The following WWOX variants were observed in gnomAD, a reference collection of about 807,000 sequenced individuals.
WWOX encodes the protein WW domain-containing oxidoreductase.
In WWOX, 69 loss-of-function variants were observed where a neutral mutation model predicts 46.2. That is an observed-to-expected ratio of 1.49 (90% CI 1.23 to 1.82). The LOEUF (loss-of-function observed/expected upper bound fraction) is 1.82, where lower values mean the gene tolerates loss of function less well. Ranked by LOEUF, WWOX falls within the 40% of genes most tolerant of loss-of-function variation. The pLI, the probability that WWOX is intolerant of heterozygous loss-of-function variation, is 0.00. For synonymous variants in WWOX, 359 were observed against 202.6 expected (o/e 1.77, Z -6.56); for missense variants, 919 against 542.6 (o/e 1.69, Z -6.89).
At chr16:78,587,218 T>G (rs920936261) in intron 8 of WWOX, among the ~76,000 whole-genome samples, 18 of 131,944 alleles carry the variant, frequency 1.4e-4, no homozygotes, top group Admixed American at 6.9e-4. Flanking sequence ...TTTTTTTTTG[T>G]AGAAACAGAG....
intron 8 of WWOX, among the ~76,000 whole-genome samples, chr16:78,684,189 C>G (rs2047801696): frequency 6.6e-6 from 1 of 152,200 alleles, no homozygotes; most frequent in Non-Finnish European, 1.5e-5. Context: ...CAGAAATCCA[C>G]TGGCATGAGT....
At chr16:78,556,761 C>G (rs75026856) in intron 8 of WWOX, among the ~76,000 whole-genome samples, 8,795 of 151,932 alleles carry the variant, frequency 0.058, 464 homozygotes, top group African/African-American at 0.13. Flanking sequence ...TTTTGCCCAG[C>G]CTGGAGTGAA....
At chr16:78,574,473 A>T (rs1471105934) in intron 8 of WWOX, among the ~76,000 whole-genome samples, 3 of 151,964 alleles carry the variant, frequency 2.0e-5, no homozygotes, top group Non-Finnish European at 2.9e-5. Context: ...CCTGAATCCT[A>T]TCTAAAGTTG....
At chr16:78,837,278 G>A (rs1347709811) in intron 8 of WWOX, among the ~76,000 whole-genome samples, 6 of 152,122 alleles carry the variant, frequency 3.9e-5, no homozygotes, top group Admixed American at 2.0e-4. Flanking sequence ...CTTTCAACGC[G>A]AGTTTCATTT....
chr16:79,196,901 T>C (rs1028143442), intron 8 of WWOX, among the ~76,000 whole-genome samples: 1 of 152,100 alleles, frequency 6.6e-6, no homozygotes, highest in South Asian at 2.1e-4. Flanking sequence ...ATTTCGGGAG[T>C]TCGGTGTCAC....
chr16:78,574,493 G>A (rs138916178), intron 8 of WWOX, among the ~76,000 whole-genome samples: 1 of 152,070 alleles, frequency 6.6e-6, no homozygotes, highest in Non-Finnish European at 1.5e-5. Flanking sequence ...GTCGGTGGTT[G>A]CTTCCTTCCT....
At chr16:78,637,985 A>T (rs1395027866) in intron 8 of WWOX, among the ~76,000 whole-genome samples, 1 of 152,092 alleles carries the variant, frequency 6.6e-6, no homozygotes, top group African/African-American at 2.4e-5. Flanking sequence ...ATCACTTTCA[A>T]CTTGCTCACC....
intron 8 of WWOX, among the ~76,000 whole-genome samples, chr16:78,548,290 T>G (rs1487747211): frequency 6.6e-6 from 1 of 151,988 alleles, no homozygotes; most frequent in Non-Finnish European, 1.5e-5. Context: ...AGCCCTTGGA[T>G]CCCATTAATT....
intron 8 of WWOX, among the ~76,000 whole-genome samples, chr16:78,711,886 C>T (rs567363392): frequency 2.1e-4 from 32 of 152,210 alleles, no homozygotes; most frequent in Admixed American, 1.2e-3. Context: ...TCAGTGCACG[C>T]GCCATCTAAA....
chr16:78,530,760 A>G lies in WWOX; in HGVS notation c.1056+98008A>G, dbSNP rs1044229381. Among the ~76,000 whole-genome samples the G allele has an allele frequency of 5.9e-5, 9 of 152,228 alleles. No homozygotes were observed. In the East Asian group the frequency reaches 1.5e-3, roughly 26 times the overall value. On this transcript the variant is annotated intron_variant, in intron 8 of 8. Transcript: ENST00000566780. ...CCTGTCCCTATCATTGATACCTGCA[A>G]TTCTTTGTACATATGAAATTTAATA... is the stretch of plus-strand genomic sequence containing the variant.
At chr16:79,049,512 AGATGGCATTGTT>A (rs1432510563) in intron 8 of WWOX, among the ~76,000 whole-genome samples, 2 of 152,262 alleles carry the variant, frequency 1.3e-5, no homozygotes, top group East Asian at 3.9e-4. Flanking sequence ...GGCCAAGCCC[AGATGGCATTGTT>A]GAGGGGCTTT....
chr16:78,368,413 T>G (rs960769222), intron 5 of WWOX, among the ~76,000 whole-genome samples: 7 of 152,178 alleles, frequency 4.6e-5, no homozygotes, highest in Non-Finnish European at 1.0e-4. Flanking sequence ...TGTGGACTCA[T>G]AAAGTCACTG....
chr16:78,126,053 T>G (rs567926907), intron 4 of WWOX, among the ~76,000 whole-genome samples: 1 of 152,316 alleles, frequency 6.6e-6, no homozygotes, highest in East Asian at 1.9e-4. Flanking sequence ...CTTTCGTGAT[T>G]TTTCTATTTA....
intron 8 of WWOX, among the ~76,000 whole-genome samples, chr16:79,149,956 G>A (rs1051323015): frequency 1.1e-4 from 16 of 152,212 alleles, no homozygotes; most frequent in Non-Finnish European, 4.4e-5. Flanking sequence ...AGATGCCGAT[G>A]ACCAGTAAGA....
chr16:78,594,429 G>GCCCCCCCCCCCCCCCCCCCCCCCC lies in WWOX; in HGVS notation c.1056+161693_1056+161694insCCCCCCCCCCCCCCCCCCCCCCCC, dbSNP rs138806967. On this transcript the variant is annotated intron_variant, in intron 8 of 8. Transcript: ENST00000566780. Reference sequence around the variant, plus strand: ...TCTTGACGAAGAAGACTGAGGAAAGGCCCCCCCCCCCCCCCCGCCAAATTG... The same window carrying GCCCCCCCCCCCCCCCCCCCCCCCC: ...TCTTGACGAAGAAGACTGAGGAAAGGCCCCCCCCCCCCCCCCCCCCCCCCCCCCCCCCCCCCCCCCGCCAAATTG... Among the ~76,000 whole-genome samples the GCCCCCCCCCCCCCCCCCCCCCCCC allele has an allele frequency of 1.9e-4, 6 of 32,380 alleles. 1 individual carries two copies. Among genetic ancestry groups the GCCCCCCCCCCCCCCCCCCCCCCCC allele is most frequent in the Admixed American group, 6.2e-4 (1 of 1,618 alleles). 21.2% of individuals were successfully genotyped at this position (32,380 alleles called of 152,430 possible).
chr16:78,441,133 G>T (rs957932544), intron 8 of WWOX, among the ~76,000 whole-genome samples: 1 of 151,878 alleles, frequency 6.6e-6, no homozygotes, highest in African/African-American at 2.4e-5. Context: ...AGTAGAGACG[G>T]GATTTCAACA....
intron 8 of WWOX, among the ~76,000 whole-genome samples, chr16:79,148,593 A>G (rs2050221779): frequency 6.6e-6 from 1 of 152,148 alleles, no homozygotes; most frequent in South Asian, 2.1e-4. Flanking sequence ...GTCTATGTCT[A>G]CCAGAAGCCT....
At chr16:78,621,013 C>G (rs1433161911) in intron 8 of WWOX, among the ~76,000 whole-genome samples, 3 of 152,156 alleles carry the variant, frequency 2.0e-5, no homozygotes, top group Non-Finnish European at 4.4e-5. Context: ...AACTCAAAGG[C>G]TGTTGAAAGG....
chr16:79,130,293 T>G (rs2049850078), intron 8 of WWOX, among the ~76,000 whole-genome samples: 1 of 152,222 alleles, frequency 6.6e-6, no homozygotes, highest in Non-Finnish European at 1.5e-5. Flanking sequence ...TGCCTGCCAC[T>G]TAGACCTCAA....
Sources: allele counts gnomAD v4.1 joint callset (sites outside exome capture counted in the v4.1 genomes callset), GRCh38; gene constraint gnomAD v4.1.1; transcripts MANE v1.5; gene names NCBI Gene and HGNC (gene_info 2026-07-23, HGNC 2026-07-21).